UNKL: variants seen among roughly 807,000 people sequenced by gnomAD.
UNKL encodes unk like zinc finger.
A neutral mutation model predicts 78.0 loss-of-function variants in UNKL; 60 were observed. The observed-to-expected ratio is 0.77, with a 90% CI of 0.63 to 0.95. The LOEUF is 0.95. UNKL is among the 40% of genes least tolerant of loss of function. The pLI is 0.00. For missense variants in UNKL, 1,159 were observed against 1,045.7 expected (o/e 1.11, Z -1.49); for synonymous variants, 608 against 474.8 (o/e 1.28, Z -3.65).
intron 10 of UNKL, 89 bp from the exon 11 acceptor site, chr16:1,371,700 G>A (rs1490664967): frequency 2.2e-6 from 3 of 1,363,532 alleles, no homozygotes; most frequent in Admixed American, 2.1e-5. Flanking sequence ...TCCCACCTGG[G>A]CTTAGAGTGA....
chr16:1,401,523 G>A (rs770972770), intron 4 of UNKL, 45 bp downstream of exon 4: 18 of 1,470,292 alleles, frequency 1.2e-5, no homozygotes, highest in Non-Finnish European at 1.6e-5. Flanking sequence ...CTCGCGCTGT[G>A]CCCGCCCCCC....
chr16:1,376,807 G>A (rs942366452), intron 10 of UNKL, among the ~76,000 whole-genome samples: 1 of 152,072 alleles, frequency 6.6e-6, no homozygotes, highest in Non-Finnish European at 1.5e-5. Flanking sequence ...CCCAGTAAGA[G>A]ATTAACAAGA....
rs887530862 is a variant in UNKL at position 1,387,886 on chromosome 16, C to T, written c.1087-2501G>A. ...CGTGCTCTGGGGCACGGTCCCTACA[C>T]ACAAGCTGCCCCTGCTCAGTCAGGC... is the stretch of plus-strand genomic sequence containing the variant. On this transcript the variant is annotated intron_variant, in intron 9 of 14. Coordinates refer to ENST00000389221, the MANE Select transcript of UNKL (RefSeq NM_001372107.1). This position sits in a 1 kb window ranked among gnomAD's most constrained non-coding sequence, Gnocchi z 4.1. 4.0e-5 allele frequency among the ~76,000 whole-genome samples: 6 copies of T among 151,822 alleles called. No individual in the cohort carries two copies. Among genetic ancestry groups the T allele is most frequent in the Non-Finnish European group, 5.9e-5 (4 of 67,898 alleles).
chr16:1,366,982 C>G, intron 14 of UNKL, 110 bp downstream of exon 14: 1 of 1,433,090 alleles, frequency 7.0e-7, no homozygotes, highest in Non-Finnish European at 9.1e-7. Context: ...CCGGAGCAGA[C>G]CCTGGGGCAG....
At chr16:1,385,177 CA>C in intron 10 of UNKL, 30 bp downstream of exon 10, 2 of 1,245,214 alleles carry the variant, frequency 1.6e-6, no homozygotes, top group Non-Finnish European at 2.0e-6. Flanking sequence ...AGAAGGAGGT[CA>C]GGGAGAAAGG....
At position 1,365,360 on chromosome 16, in the gene UNKL, A is replaced by G. The variant is rs892007418; in HGVS notation, c.*880T>C. On this transcript the variant is annotated 3_prime_UTR_variant, in exon 15 of 15. Coordinates refer to ENST00000389221, the MANE Select transcript of UNKL (RefSeq NM_001372107.1). ...CCCCTCTGCTGCGTTTTTTGTTAGTATCAAACTGTCTTTCAGAGGGTTAAG... is the reference window on the plus strand; with the variant it reads ...CCCCTCTGCTGCGTTTTTTGTTAGTGTCAAACTGTCTTTCAGAGGGTTAAG... 6.6e-6 allele frequency: 1 copy of G among 152,230 alleles called. No individual in the cohort carries two copies. The highest frequency in any genetic ancestry group is 2.4e-5 in the African/African-American group (1 of 41,468). 9.4% of individuals were successfully genotyped at this position (152,230 alleles called of 1,614,324 possible).
At chr16:1,413,272 A>G (rs1399225822) in intron 2 of UNKL, among the ~76,000 whole-genome samples, 1 of 66,100 alleles carries the variant, frequency 1.5e-5, no homozygotes, top group Non-Finnish European at 3.2e-5. Context: ...AAAAAAAAAA[A>G]AAAAAAAAAA....
chr16:1,408,716 A>T (rs2037897224), intron 2 of UNKL: 1 of 152,638 alleles, frequency 6.6e-6, no homozygotes, highest in Non-Finnish European at 1.5e-5. Flanking sequence ...GCAGGGGTGG[A>T]GCGAGGTGCC....
At position 1,397,261 on chromosome 16, in the gene UNKL, C is replaced by A; in HGVS notation, c.769G>T (p.Glu257Ter). 1 of 1,539,670 alleles carries A rather than the reference C, an allele frequency of 6.5e-7. No individual in the cohort carries two copies. Among genetic ancestry groups the A allele is most frequent in the Non-Finnish European group, 8.7e-7 (1 of 1,146,210 alleles). The change falls in exon 6 of 15, where the codon GAG (glutamate) becomes TAG (stop). Residue 257 changes from glutamate to a stop codon, truncating the protein, a stop_gained. Transcript: ENST00000389221. LOFTEE classifies it high-confidence loss of function. ...TCGCAGCGTGAGGGTTCCCCCCACT[C>A]ATCCCCGTGCTTCACACTGGGGCAG... Reference protein sequence around the residue: ...TPCPSVKHGDEWGEPSRCDGG... With the variant: ...TPCPSVKHGD
At chr16:1,394,623 A>G (rs532681693) in intron 6 of UNKL, 119 of 418,576 alleles carry the variant, frequency 2.8e-4, no homozygotes, top group Non-Finnish European at 4.8e-4. Flanking sequence ...AGCCCCTCTC[A>G]TGAGGTCAAC....
intron 11 of UNKL, 53 bp downstream of exon 11, chr16:1,371,466 C>A: frequency 1.3e-6 from 2 of 1,517,264 alleles, no homozygotes; most frequent in Non-Finnish European, 1.8e-6. Flanking sequence ...GGCCACAGCA[C>A]TTGGCTGTTC....
At chr16:1,380,425 G>C (rs2036558000) in intron 10 of UNKL, among the ~76,000 whole-genome samples, 1 of 152,186 alleles carries the variant, frequency 6.6e-6, no homozygotes, top group East Asian at 1.9e-4. Flanking sequence ...CCCTGAGCCT[G>C]GGGCGCAGGA....
At chr16:1,367,626 C>CT in intron 13 of UNKL, 30 bp downstream of exon 13, 2 of 1,542,340 alleles carry the variant, frequency 1.3e-6, no homozygotes, top group East Asian at 4.9e-5. Flanking sequence ...CTCCCTCCCC[C>CT]TCACCTGTCT....
chr16:1,407,082 G>A (rs2037797939), intron 2 of UNKL, among the ~76,000 whole-genome samples: 2 of 151,656 alleles, frequency 1.3e-5, no homozygotes. Context: ...CCGGGAGGTG[G>A]ATGCTGCAGT....
intron 6 of UNKL, 75 bp from the exon 7 acceptor site, chr16:1,394,290 C>T: frequency 6.7e-7 from 1 of 1,492,688 alleles, no homozygotes; most frequent in Non-Finnish European, 9.1e-7. Flanking sequence ...GGCATCATCC[C>T]AAGGGAGAGG....
At chr16:1,376,605 G>A (rs1387424607) in intron 10 of UNKL, among the ~76,000 whole-genome samples, 2 of 152,084 alleles carry the variant, frequency 1.3e-5, no homozygotes, top group Non-Finnish European at 2.9e-5. Flanking sequence ...AGGGAGACTG[G>A]TCACTGGCTC....
chr16:1,376,565 TTCCGAG>T (rs2036241172), intron 10 of UNKL, among the ~76,000 whole-genome samples: 1 of 152,116 alleles, frequency 6.6e-6, no homozygotes, highest in Non-Finnish European at 1.5e-5. Flanking sequence ...GGGCCACCTC[TTCCGAG>T]TGTCTGTCCA....
At chr16:1,368,919 A>AT (rs945707765) in intron 12 of UNKL, among the ~76,000 whole-genome samples, 37 of 151,790 alleles carry the variant, frequency 2.4e-4, no homozygotes, top group Non-Finnish European at 1.2e-4. Context: ...AAAATTTTGT[A>AT]TTTTTTTGTA....
At chr16:1,380,672 G>GTTTT (rs1567215031) in intron 10 of UNKL, among the ~76,000 whole-genome samples, 1 of 32,948 alleles carries the variant, frequency 3.0e-5, no homozygotes, top group Non-Finnish European at 5.6e-5. Flanking sequence ...GCTGGTTCAG[G>GTTTT]ATTTTTTTTT....
Sources: gnomAD v4.1 joint callset for allele counts (sites outside exome capture counted in the v4.1 genomes callset) on GRCh38, gnomAD v4.1.1 for gene constraint, Gnocchi (gnomAD v3.1) non-coding constraint, MANE v1.5 for transcripts, NCBI Gene and HGNC (gene_info 2026-07-23, HGNC 2026-07-21) for gene names.